The following CETP variants were observed in gnomAD, a reference collection of about 807,000 sequenced individuals.
The protein encoded by CETP is BPI fold containing family F.
A neutral mutation model predicts 66.5 loss-of-function variants in CETP; 56 were observed. The observed-to-expected ratio is 0.84, with a 90% CI of 0.68 to 1.05. CETP has a LOEUF of 1.05. CETP is among the 50% of genes least tolerant of loss of function. The pLI is 0.00. For missense variants in CETP, 612 were observed against 609.6 expected (o/e 1.00, Z -0.04); for synonymous variants, 251 against 245.7 (o/e 1.02, Z -0.20).
chr16:56,974,683 CA>C (rs1249393212), intron 9 of CETP, among the ~76,000 whole-genome samples: 22 of 152,254 alleles, frequency 1.4e-4, no homozygotes, highest in Admixed American at 5.2e-4. Context: ...GTTTTGCAAA[CA>C]AAAAAACCAC....
chr16:56,971,549 G>A (rs1226414917), intron 7 of CETP, among the ~76,000 whole-genome samples, 168 bp downstream of exon 7: 1 of 152,192 alleles, frequency 6.6e-6, no homozygotes, highest in African/African-American at 2.4e-5. Context: ...GCAAATCTCT[G>A]CCCCTTTGGG....
In CETP at chr16:56,975,088, C is replaced by A; in HGVS notation, c.931-13C>A. ...TACTCCACCCACCCTCCAACTTCCTCATTTCTTTTCAGGCAGTGCTGGAGA... is the reference window on the plus strand; with the variant it reads ...TACTCCACCCACCCTCCAACTTCCTAATTTCTTTTCAGGCAGTGCTGGAGA... On this transcript the variant is annotated splice_polypyrimidine_tract_variant and intron_variant, in intron 9 of 15. Coordinates refer to ENST00000200676, the MANE Select transcript of CETP (RefSeq NM_000078.3). The A allele has an allele frequency of 6.2e-7, 1 of 1,614,028 alleles. No individual in the cohort carries two copies. Among genetic ancestry groups the A allele is most frequent in the Non-Finnish European group, 8.5e-7 (1 of 1,179,882 alleles).
Position 56,973,475 on chromosome 16 carries a change from C to T in CETP, c.895C>T (p.Arg299Cys), listed in dbSNP as rs142459781. The change falls in exon 9 of 16, where the codon CGC (arginine) becomes TGC (cysteine). Residue 299 changes from arginine (R) to cysteine (C), a missense_variant. Transcript: ENST00000200676. Reference sequence around the variant, plus strand: ...GGCCAAGGTAGCTTTCCAGGATGGCCGCCTCATGCTCAGCCTGATGGGAGA... The same window carrying T: ...GGCCAAGGTAGCTTTCCAGGATGGCTGCCTCATGCTCAGCCTGATGGGAGA... ...SLAKVAFQDG[R>C]LMLSLMGDEF... is the part of the protein sequence containing the mutation. The T allele has an allele frequency of 5.5e-5, 89 of 1,614,162 alleles. No homozygotes were observed. The highest frequency in any genetic ancestry group is 2.5e-4 in the African/African-American group (19 of 75,036).
chr16:56,969,776 C>T, intron 4 of CETP, 95 bp downstream of exon 4: 5 of 1,560,986 alleles, frequency 3.2e-6, no homozygotes, highest in Non-Finnish European at 4.4e-6. Flanking sequence ...GTTCTGGGGC[C>T]ACCAAAGGAG....
intron 11 of CETP, among the ~76,000 whole-genome samples, chr16:56,978,894 C>T (rs1330278755): frequency 6.6e-6 from 1 of 152,190 alleles, no homozygotes; most frequent in Non-Finnish European, 1.5e-5. Flanking sequence ...GGCACAATCT[C>T]GGCTCACTAC....
chr16:56,972,395 C>G (rs1238069696), intron 8 of CETP, among the ~76,000 whole-genome samples: 2 of 152,236 alleles, frequency 1.3e-5, no homozygotes, highest in South Asian at 2.1e-4. Context: ...TGGCCCCCCC[C>G]CAGGGGGTAC....
Position 56,975,006 on chromosome 16 carries a change from T to C in CETP, c.931-95T>C, listed in dbSNP as rs1443270001. 5.7e-6 allele frequency: 6 copies of C among 1,057,478 alleles called. No individual in the cohort carries two copies. The Admixed American group carries it at 1.0e-4, about 18-fold the overall frequency. The allele number at this position is 1,057,478 out of a possible 1,614,324, so 65.5% of individuals were successfully genotyped here. A position where few individuals can be genotyped will look rare whatever the true frequency, so the allele number is the denominator to read the frequency against. ...GTTGGGAGTTGCGTCTGAGGAGGGG[T>C]CCAGTCCTTGAAACTGCCCTTGGTC... On this transcript the variant is annotated intron_variant, in intron 9 of 15. Coordinates refer to ENST00000200676, the MANE Select transcript of CETP (RefSeq NM_000078.3).
chr16:56,978,090 G>GC lies in CETP; in HGVS notation c.982-1_982insC (p.Val328ArgfsTer54). 6.2e-7 allele frequency: 1 copy of GC among 1,614,116 alleles called. No individual in the cohort carries two copies. Among genetic ancestry groups the GC allele is most frequent in the Non-Finnish European group, 8.5e-7 (1 of 1,179,978 alleles). On this transcript the variant is annotated frameshift_variant and splice_region_variant. Coordinates refer to ENST00000200676, the MANE Select transcript of CETP (RefSeq NM_000078.3). LOFTEE classifies it high-confidence loss of function. ...GGCCATGGGACCCCTGTCTTCCACA[G>GC]GTTGTCGGCGGCTTCCCCAGCCAGG...
chr16:56,968,390 T>C (rs1220688569), intron 2 of CETP, among the ~76,000 whole-genome samples: 1 of 152,188 alleles, frequency 6.6e-6, no homozygotes, highest in African/African-American at 2.4e-5. Flanking sequence ...TTTCACCATG[T>C]TGGCCAGGCT....
At chr16:56,971,227 C>A (rs1294528980) in intron 6 of CETP, 94 bp from the exon 7 acceptor site, 6 of 1,512,726 alleles carry the variant, frequency 4.0e-6, no homozygotes, top group Non-Finnish European at 5.5e-6. Context: ...TCCCCTGTGC[C>A]GGTCCCCAGC....
chr16:56,976,210 TCCCTGTGTCCTGATA>T (rs553986583), intron 10 of CETP, among the ~76,000 whole-genome samples: 428 of 152,304 alleles, frequency 2.8e-3, no homozygotes, highest in African/African-American at 0.01. Context: ...CCGGTGGGTC[TCCCTGTGTCCTGATA>T]CCCTCCAATA....
intron 7 of CETP, 106 bp downstream of exon 7, chr16:56,971,487 C>T (rs1301210362): frequency 2.0e-6 from 2 of 1,001,184 alleles, no homozygotes; most frequent in South Asian, 1.3e-5. Flanking sequence ...GTCTAGGTCC[C>T]ATGGGCTCTA....
At chr16:56,977,406 A>G (rs2056157427) in intron 10 of CETP, among the ~76,000 whole-genome samples, 1 of 151,992 alleles carries the variant, frequency 6.6e-6, no homozygotes, top group African/African-American at 2.4e-5. Flanking sequence ...TTCCTTCCAC[A>G]GGGCTCTTGT....
chr16:56,981,310 G>A, intron 12 of CETP, 85 bp downstream of exon 12: 1 of 1,137,234 alleles, frequency 8.8e-7, no homozygotes, highest in East Asian at 2.3e-5. Context: ...GCGGGGTGTT[G>A]GTGGGGAAAT....
At chr16:56,962,777 G>GTGTC (rs2141990450) in intron 1 of CETP, among the ~76,000 whole-genome samples, 1 of 152,308 alleles carries the variant, frequency 6.6e-6, no homozygotes, top group East Asian at 1.9e-4. Context: ...TCAGGATCCA[G>GTGTC]AGGCTAGGGT....
intron 10 of CETP, among the ~76,000 whole-genome samples, 180 bp downstream of exon 10, chr16:56,975,331 C>T (rs1028747548): frequency 6.6e-6 from 1 of 152,218 alleles, no homozygotes; most frequent in Non-Finnish European, 1.5e-5. Flanking sequence ...TCCTTCAGTG[C>T]TCACACCGAC....
rs1023023633 is a variant in CETP at position 56,969,307 on chromosome 16, C to T, written c.234-79C>T. ...GCCATGATTCTATCTTCCACCCTCG[C>T]CTAGACAAAATTGGAGGCTCACTCC... On this transcript the variant is annotated intron_variant, in intron 2 of 15. Coordinates refer to ENST00000200676, the MANE Select transcript of CETP (RefSeq NM_000078.3). 31 of 1,595,380 alleles carry T rather than the reference C, an allele frequency of 1.9e-5. No homozygotes were observed. The Admixed American group carries it at 5.0e-4, about 26-fold the overall frequency.
chr16:56,981,325 C>A (rs2056185962), intron 12 of CETP, 100 bp downstream of exon 12: 1 of 995,710 alleles, frequency 1.0e-6, no homozygotes, highest in Non-Finnish European at 1.6e-6. Context: ...GGAAATGTGG[C>A]CCCTTTCTTC....
intron 9 of CETP, among the ~76,000 whole-genome samples, chr16:56,973,792 T>C (rs2056130654): frequency 6.6e-6 from 1 of 152,208 alleles, no homozygotes; most frequent in South Asian, 2.1e-4. Flanking sequence ...TGGGTAAGAC[T>C]CCTGTCTCAA....
Sources: allele counts gnomAD v4.1 joint callset (sites outside exome capture counted in the v4.1 genomes callset), GRCh38; gene constraint gnomAD v4.1.1; transcripts MANE v1.5; gene names NCBI Gene and HGNC (gene_info 2026-07-23, HGNC 2026-07-21).